ANKRD31: variants seen among roughly 807,000 people sequenced by gnomAD.
ANKRD31 encodes ankyrin repeat domain-containing protein 31.
A neutral mutation model predicts 186.0 loss-of-function variants in ANKRD31; 147 were observed. That is an observed-to-expected ratio of 0.79 (90% CI 0.69 to 0.91). The LOEUF (loss-of-function observed/expected upper bound fraction) is 0.91. ANKRD31 is among the 40% of genes least tolerant of loss of function. The probability of loss-of-function intolerance (pLI) is 0.00; values close to 1 mark genes in which losing one functional copy is unlikely to be tolerated. For synonymous variants in ANKRD31, 673 were observed against 736.4 expected (o/e 0.91, Z 1.39); for missense variants, 1,986 against 2,148.8 (o/e 0.92, Z 1.50).
At chr5:75,199,547 T>C in intron 6 of ANKRD31, 84 bp downstream of exon 6, 1 of 1,141,284 alleles carries the variant, frequency 8.8e-7, no homozygotes, top group African/African-American at 1.6e-5. Flanking sequence ...AGGGTCTAAA[T>C]GAGCTTGATA....
intron 6 of ANKRD31, among the ~76,000 whole-genome samples, chr5:75,198,892 C>G (rs1561529842): frequency 1.3e-5 from 2 of 152,260 alleles, no homozygotes; most frequent in Admixed American, 1.3e-4. Flanking sequence ...GAACCCAGAC[C>G]TATCTGGTTT....
chr5:75,150,636 G>C (rs1751777090), intron 12 of ANKRD31, among the ~76,000 whole-genome samples: 1 of 151,902 alleles, frequency 6.6e-6, no homozygotes, highest in African/African-American at 2.4e-5. Context: ...TTACATGAAA[G>C]AAATTTCATT....
intron 3 of ANKRD31, among the ~76,000 whole-genome samples, chr5:75,216,258 T>C (rs542263754): frequency 1.4e-4 from 22 of 152,120 alleles, no homozygotes; most frequent in Non-Finnish European, 2.1e-4. Flanking sequence ...GACTGAATAT[T>C]AGAAATTAAT....
chr5:75,100,773 T>A (rs1159934284), intron 22 of ANKRD31, among the ~76,000 whole-genome samples: 1 of 152,200 alleles, frequency 6.6e-6, no homozygotes, highest in Admixed American at 6.5e-5. Flanking sequence ...TTCCATTTAC[T>A]TGGTAGATCT....
intron 3 of ANKRD31, among the ~76,000 whole-genome samples, chr5:75,213,404 GTGCAAAAGGTAAA>G (rs769839500): frequency 6.6e-4 from 101 of 152,274 alleles, no homozygotes; most frequent in Non-Finnish European, 1.2e-3. Flanking sequence ...GCCTCCAAAA[GTGCAAAAGGTAAA>G]TGCAAAAGGT....
intron 17 of ANKRD31, among the ~76,000 whole-genome samples, chr5:75,120,922 C>T (rs144895586): frequency 3.9e-5 from 6 of 152,162 alleles, no homozygotes; most frequent in East Asian, 3.9e-4. Flanking sequence ...CGGTGGCTCA[C>T]GCCTGTAATC....
intron 3 of ANKRD31, among the ~76,000 whole-genome samples, chr5:75,219,963 T>C (rs1054741769): frequency 7.9e-5 from 12 of 152,192 alleles, no homozygotes; most frequent in Non-Finnish European, 1.2e-4. Context: ...CTGGACCCCT[T>C]TCTTATACCG....
intron 22 of ANKRD31, among the ~76,000 whole-genome samples, chr5:75,100,966 A>T (rs547836918): frequency 6.6e-6 from 1 of 152,266 alleles, no homozygotes; most frequent in East Asian, 1.9e-4. Flanking sequence ...TCCTGTTATT[A>T]TGATGTTAGC....
chr5:75,108,606 T>C (rs1240838315), intron 20 of ANKRD31, among the ~76,000 whole-genome samples: 1 of 152,162 alleles, frequency 6.6e-6, no homozygotes, highest in African/African-American at 2.4e-5. Flanking sequence ...AAATCTGTGG[T>C]AGAAAATGAC....
chr5:75,126,515 G>C (rs779250034), intron 17 of ANKRD31, among the ~76,000 whole-genome samples: 5 of 152,166 alleles, frequency 3.3e-5, no homozygotes, highest in Admixed American at 6.5e-5. Flanking sequence ...CTTCCAGTTA[G>C]AGACTATTAT....
intron 24 of ANKRD31, among the ~76,000 whole-genome samples, chr5:75,081,552 G>C (rs919274426): frequency 6.6e-6 from 1 of 152,156 alleles, no homozygotes; most frequent in Non-Finnish European, 1.5e-5. Flanking sequence ...AAAATCTGAG[G>C]AACAGATGAC....
At position 75,146,933 on chromosome 5, in the gene ANKRD31, TA is replaced by T; in HGVS notation, c.2477del (p.Leu826Ter). 1 of 1,536,406 alleles carries T rather than the reference TA, an allele frequency of 6.5e-7. No individual in the cohort carries two copies. The highest frequency in any genetic ancestry group is 8.7e-7 in the Non-Finnish European group (1 of 1,146,336). On this transcript the variant is annotated frameshift_variant, in exon 14 of 26. Coordinates refer to ENST00000506364, the MANE Select transcript of ANKRD31 (RefSeq NM_001372053.1). LOFTEE classifies it high-confidence loss of function. ...CAGCTTCAGTTTGGTCAACAGATTC[TA>T]ATTCCAAGCATTGAACTTCTTGACT... is the stretch of plus-strand genomic sequence containing the variant. ...SDSQEVQCLE[L>X]ESVDQTEAVS...
chr5:75,187,107 G>GTTTT (rs909491634), intron 10 of ANKRD31, among the ~76,000 whole-genome samples: 1 of 61,810 alleles, frequency 1.6e-5, no homozygotes, highest in African/African-American at 1.6e-4. Flanking sequence ...CGGTGATTCT[G>GTTTT]TTTTGTGTGT....
At chr5:75,113,978 C>T (rs927179147) in intron 19 of ANKRD31, among the ~76,000 whole-genome samples, 2 of 152,142 alleles carry the variant, frequency 1.3e-5, no homozygotes, top group African/African-American at 4.8e-5. Context: ...TGTAGATGTA[C>T]TCAGTCTCGG....
intron 10 of ANKRD31, among the ~76,000 whole-genome samples, chr5:75,185,874 A>C (rs1180925987): frequency 6.6e-6 from 1 of 151,942 alleles, no homozygotes; most frequent in Non-Finnish European, 1.5e-5. Context: ...GTATCCATTA[A>C]AAGTAAAAAA....
intron 5 of ANKRD31, among the ~76,000 whole-genome samples, chr5:75,200,145 G>A (rs1755719559): frequency 6.6e-6 from 1 of 152,116 alleles, no homozygotes; most frequent in Non-Finnish European, 1.5e-5. Context: ...GAGGATTGCT[G>A]CATTGCCTCT....
chr5:75,202,498 TATAC>T (rs10573689), intron 5 of ANKRD31, among the ~76,000 whole-genome samples: 7,424 of 152,280 alleles, frequency 0.049, 389 homozygotes, highest in African/African-American at 0.13. Flanking sequence ...AATATAATGG[TATAC>T]ATGAGAAATA....
intron 25 of ANKRD31, among the ~76,000 whole-genome samples, chr5:75,071,789 C>T (rs1054158704): frequency 3.3e-5 from 5 of 152,180 alleles, no homozygotes; most frequent in South Asian, 2.1e-4. Flanking sequence ...TGAGCCACCG[C>T]GCCCGGCCGA....
At chr5:75,181,436 G>A (rs1005493363) in intron 10 of ANKRD31, among the ~76,000 whole-genome samples, 22 of 152,046 alleles carry the variant, frequency 1.4e-4, no homozygotes, top group African/African-American at 4.8e-4. Context: ...ACATGCACAC[G>A]TACGTTTATT....
Sources: gnomAD v4.1 joint callset for allele counts (sites outside exome capture counted in the v4.1 genomes callset) on GRCh38, gnomAD v4.1.1 for gene constraint, MANE v1.5 for transcripts, NCBI Gene and HGNC (gene_info 2026-07-23, HGNC 2026-07-21) for gene names.